The following RASSF8 variants were observed in gnomAD, a reference collection of about 807,000 sequenced individuals.
RASSF8 encodes the protein Ras association domain family member 8.
Under a neutral mutation model 48.5 loss-of-function variants are expected in RASSF8, and 22 were observed. The ratio of observed to expected loss-of-function variants is 0.45; its 90% CI spans 0.32 to 0.65. The LOEUF (loss-of-function observed/expected upper bound fraction) is 0.65, where lower values mean the gene tolerates loss of function less well. RASSF8 is among the 30% of genes least tolerant of loss of function. The pLI is 0.03. For missense variants in RASSF8, 418 were observed against 489.2 expected, an observed-to-expected ratio of 0.85 and a Z score of 1.37; for synonymous variants, 127 against 171.5, an observed-to-expected ratio of 0.74 and a Z score of 2.03.
At chr12:26,016,781 C>T (rs534692164) in intron 2 of RASSF8, among the ~76,000 whole-genome samples, 4 of 152,170 alleles carry the variant, frequency 2.6e-5, no homozygotes, top group Admixed American at 2.6e-4. Context: ...TGATTTTCAT[C>T]TATCCTGTTG....
Position 25,969,562 on chromosome 12 carries a change from G to A in RASSF8, c.-203+10414G>A, listed in dbSNP as rs142059196. On this transcript the variant is annotated intron_variant, in intron 1 of 5. Coordinates refer to ENST00000689635, the MANE Select transcript of RASSF8 (RefSeq NM_001394098.1). ...AGTTAGGAGATAATTGCAACAATCCGTGCAAGGGATGGCTTAGATGAGGTG... is the reference window on the plus strand; with the variant it reads ...AGTTAGGAGATAATTGCAACAATCCATGCAAGGGATGGCTTAGATGAGGTG... Among the ~76,000 whole-genome samples the A allele has an allele frequency of 5.7e-4, 87 of 152,264 alleles. No individual in the cohort carries two copies. In the East Asian group the frequency reaches 0.014, roughly 25 times the overall value.
intron 2 of RASSF8, among the ~76,000 whole-genome samples, chr12:26,036,732 A>G (rs2137135512): frequency 6.6e-6 from 1 of 152,076 alleles, no homozygotes; most frequent in African/African-American, 2.4e-5. Context: ...ACATGGTGAA[A>G]CCCTGTCTCT....
At chr12:25,966,837 A>G (rs973817412) in intron 1 of RASSF8, among the ~76,000 whole-genome samples, 3 of 152,196 alleles carry the variant, frequency 2.0e-5, no homozygotes, top group Non-Finnish European at 4.4e-5. Context: ...TTGGTGTGGT[A>G]TTTAAGAAAT....
intron 1 of RASSF8, among the ~76,000 whole-genome samples, chr12:25,976,328 G>T (rs1326039744): frequency 6.6e-6 from 1 of 152,230 alleles, no homozygotes; most frequent in Non-Finnish European, 1.5e-5. Context: ...AGTGCAGGTG[G>T]AGTCTTCATT....
intron 1 of RASSF8, among the ~76,000 whole-genome samples, chr12:25,975,931 G>T (rs1161924383): frequency 6.6e-6 from 1 of 152,172 alleles, no homozygotes; most frequent in Non-Finnish European, 1.5e-5. Context: ...GCAGCACAGT[G>T]TCTAGACTCA....
intron 3 of RASSF8, among the ~76,000 whole-genome samples, chr12:26,060,229 TATC>T (rs1162571132): frequency 4.6e-5 from 7 of 152,192 alleles, no homozygotes; most frequent in Non-Finnish European, 1.0e-4. Context: ...GTAGTGAGCT[TATC>T]ATATAATTCT....
At chr12:25,964,776 A>G (rs1444296915) in intron 1 of RASSF8, among the ~76,000 whole-genome samples, 2 of 152,218 alleles carry the variant, frequency 1.3e-5, no homozygotes, top group Non-Finnish European at 2.9e-5. Flanking sequence ...AGTGAGAAAT[A>G]GGGATGTTTT....
chr12:26,041,579 A>G (rs546769391), intron 2 of RASSF8, among the ~76,000 whole-genome samples: 1 of 152,294 alleles, frequency 6.6e-6, no homozygotes, highest in African/African-American at 2.4e-5. Context: ...GTGATACCTA[A>G]AGAAGCAGAG....
At chr12:26,062,287 T>C (rs1232582169) in intron 3 of RASSF8, among the ~76,000 whole-genome samples, 5 of 152,210 alleles carry the variant, frequency 3.3e-5, no homozygotes, top group Non-Finnish European at 7.3e-5. Flanking sequence ...TGGGAGCAAT[T>C]AGAGTAATTT....
intron 1 of RASSF8, among the ~76,000 whole-genome samples, chr12:25,966,983 A>T (rs551434824): frequency 2.0e-5 from 3 of 152,240 alleles, no homozygotes; most frequent in Non-Finnish European, 4.4e-5. Flanking sequence ...TTTTCTGCAT[A>T]TGGAAATTCA....
At chr12:25,999,154 T>C (rs1266077858) in intron 2 of RASSF8, among the ~76,000 whole-genome samples, 1 of 152,144 alleles carries the variant, frequency 6.6e-6, no homozygotes, top group Admixed American at 6.5e-5. Context: ...GAGGTTTACC[T>C]ACCTAAACTA....
At chr12:25,985,903 A>G (rs771893774) in intron 1 of RASSF8, among the ~76,000 whole-genome samples, 1 of 152,182 alleles carries the variant, frequency 6.6e-6, no homozygotes, top group African/African-American at 2.4e-5. Flanking sequence ...ATGTTCTTTA[A>G]CTACCTGTGC....
chr12:26,005,271 T>C (rs964031633), intron 2 of RASSF8, among the ~76,000 whole-genome samples: 2 of 152,172 alleles, frequency 1.3e-5, no homozygotes, highest in African/African-American at 4.8e-5. Context: ...GATAGGATAA[T>C]AGTTTGCAGG....
At chr12:25,980,957 T>C (rs1941727716) in intron 1 of RASSF8, among the ~76,000 whole-genome samples, 1 of 152,166 alleles carries the variant, frequency 6.6e-6, no homozygotes, top group South Asian at 2.1e-4. Flanking sequence ...ATGGTTGTTG[T>C]CCAGTAGAAA....
chr12:26,068,161 CT>C (rs1000691314), intron 5 of RASSF8, among the ~76,000 whole-genome samples: 41 of 152,024 alleles, frequency 2.7e-4, no homozygotes, highest in Admixed American at 1.7e-3. Context: ...CTTAAAAATT[CT>C]TTTTTTAAAA....
rs138814510 is a variant in RASSF8 at position 26,012,787 on chromosome 12, C to T, written c.-109+17657C>T. 2.0e-3 allele frequency among the ~76,000 whole-genome samples: 299 copies of T among 151,258 alleles called. 2 individuals are homozygous for T. Among genetic ancestry groups the T allele is most frequent in the African/African-American group, 7.0e-3 (287 of 41,146 alleles). ...CCTTGAACTCCTGGGCTCCATCAGT[C>T]CTCCTGTCTCAGCCTTCCATGTAGT... On this transcript the variant is annotated intron_variant, in intron 2 of 5. Transcript: ENST00000689635.
chr12:25,973,738 A>T (rs866375058), intron 1 of RASSF8: 1 of 152,172 alleles, frequency 6.6e-6, no homozygotes, highest in African/African-American at 2.4e-5. Context: ...AAAGAGAACT[A>T]TCTGTTCCCT....
intron 2 of RASSF8, among the ~76,000 whole-genome samples, chr12:26,050,337 A>G (rs1322786658): frequency 6.6e-6 from 1 of 152,162 alleles, no homozygotes; most frequent in Non-Finnish European, 1.5e-5. Context: ...TCCTTCCATA[A>G]AAAAGAAGTT....
chr12:26,028,116 G>A (rs2729633), intron 2 of RASSF8, among the ~76,000 whole-genome samples: 108,966 of 152,080 alleles, frequency 0.72, 39,114 homozygotes, highest in South Asian at 0.79. Context: ...GGAATAATGT[G>A]GATGAATTAT....
Sources: allele counts gnomAD v4.1 joint callset (sites outside exome capture counted in the v4.1 genomes callset), GRCh38; gene constraint gnomAD v4.1.1; transcripts MANE v1.5; gene names NCBI Gene and HGNC (gene_info 2026-07-23, HGNC 2026-07-21).